The following LSAMP variants were observed in gnomAD, a reference collection of about 807,000 sequenced individuals.
LSAMP encodes limbic system-associated membrane protein.
LSAMP carries 7 observed loss-of-function variants against 38.6 expected under a neutral mutation model. That is an observed-to-expected ratio of 0.18 (90% confidence interval 0.10 to 0.34). The LOEUF is 0.34. LSAMP is among the 10% of genes least tolerant of loss of function. The pLI is 1.00. For synonymous variants in LSAMP, 154 were observed against 166.8 expected (o/e 0.92, Z 0.59); for missense variants, 313 against 420.0 (o/e 0.75, Z 2.23).
At position 116,077,097 on chromosome 3, in the gene LSAMP, T is replaced by C. The variant is rs187042008; in HGVS notation, c.388+9227A>G. On this transcript the variant is annotated intron_variant, in intron 2 of 6. Coordinates refer to ENST00000490035, the MANE Select transcript of LSAMP (RefSeq NM_002338.5). ...ATATATTTGTATTGTTAAATATTGT[T>C]AATATATTTGCTTATTAATTTATAA... Among the ~76,000 whole-genome samples, 38 of 151,252 alleles carry C rather than the reference T, an allele frequency of 2.5e-4. No homozygotes were observed. In the East Asian group the frequency reaches 7.2e-3, roughly 29 times the overall value.
At chr3:116,000,549 GT>G (rs1316426989) in intron 3 of LSAMP, among the ~76,000 whole-genome samples, 1 of 152,152 alleles carries the variant, frequency 6.6e-6, no homozygotes, top group African/African-American at 2.4e-5. Flanking sequence ...CTGCACCAAT[GT>G]CAGCAACTGC....
intron 1 of LSAMP, among the ~76,000 whole-genome samples, chr3:116,398,439 T>C (rs923656259): frequency 6.6e-6 from 1 of 151,832 alleles, no homozygotes; most frequent in African/African-American, 2.4e-5. Context: ...ATTCAAATAC[T>C]CATGAATCAA....
intron 1 of LSAMP, among the ~76,000 whole-genome samples, chr3:116,336,462 A>G (rs2047920673): frequency 6.6e-6 from 1 of 152,032 alleles, no homozygotes; most frequent in East Asian, 1.9e-4. Flanking sequence ...CTGAATAGAC[A>G]CTTCTCCAAA....
At chr3:115,905,345 C>T (rs913105516) in intron 3 of LSAMP, among the ~76,000 whole-genome samples, 2 of 151,856 alleles carry the variant, frequency 1.3e-5, no homozygotes, top group African/African-American at 4.8e-5. Context: ...TATGAGATAC[C>T]GATGATATTG....
chr3:115,828,353 GTTTA>G (rs1294225818), intron 6 of LSAMP, among the ~76,000 whole-genome samples: 1 of 151,820 alleles, frequency 6.6e-6, no homozygotes, highest in African/African-American at 2.4e-5. Context: ...TTGTTTGTTT[GTTTA>G]TTTGTTTCCT....
At chr3:116,366,315 C>T (rs1165712245) in intron 1 of LSAMP, among the ~76,000 whole-genome samples, 1 of 152,138 alleles carries the variant, frequency 6.6e-6, no homozygotes, top group Non-Finnish European at 1.5e-5. Context: ...GGATTGCCTA[C>T]AGCCAATATA....
chr3:115,839,392 C>T (rs765041244), intron 6 of LSAMP, among the ~76,000 whole-genome samples: 1 of 150,892 alleles, frequency 6.6e-6, no homozygotes, highest in Admixed American at 6.7e-5. Context: ...ATATAAAGTT[C>T]TAGCTATGCA....
chr3:116,355,415 C>T (rs1357744109), intron 1 of LSAMP, among the ~76,000 whole-genome samples: 1 of 152,178 alleles, frequency 6.6e-6, no homozygotes, highest in Non-Finnish European at 1.5e-5. Context: ...ACACCTGTCT[C>T]TCACCATATA....
At chr3:116,097,716 T>G (rs1177067469) in intron 1 of LSAMP, among the ~76,000 whole-genome samples, 2 of 152,084 alleles carry the variant, frequency 1.3e-5, no homozygotes, top group Middle Eastern at 3.4e-3. Context: ...GGCAGGTGCA[T>G]ATGAAGAGCA....
intron 3 of LSAMP, among the ~76,000 whole-genome samples, chr3:115,930,757 G>C (rs919386949): frequency 2.0e-5 from 3 of 147,088 alleles, no homozygotes; most frequent in African/African-American, 8.2e-5. Flanking sequence ...TTTGGGAGAT[G>C]AGAGGAGATT....
intron 1 of LSAMP, among the ~76,000 whole-genome samples, chr3:116,108,390 G>A (rs1708517682): frequency 6.6e-6 from 1 of 152,092 alleles, no homozygotes; most frequent in Non-Finnish European, 1.5e-5. Context: ...AGGTTTAGAA[G>A]CCTGGCCGTC....
chr3:116,145,333 AAG>A (rs879422635), intron 1 of LSAMP, among the ~76,000 whole-genome samples: 8 of 150,868 alleles, frequency 5.3e-5, no homozygotes, highest in African/African-American at 1.7e-4. Context: ...TATATATGGA[AAG>A]AGAGAGAGAG....
chr3:116,108,823 C>T (rs934968661), intron 1 of LSAMP, among the ~76,000 whole-genome samples: 12 of 152,086 alleles, frequency 7.9e-5, no homozygotes, highest in African/African-American at 2.7e-4. Context: ...CTGGCCGCTG[C>T]GGTTCAGGCA....
intron 3 of LSAMP, among the ~76,000 whole-genome samples, chr3:115,974,971 T>A (rs1939138221): frequency 6.6e-6 from 1 of 152,158 alleles, no homozygotes; most frequent in Non-Finnish European, 1.5e-5. Flanking sequence ...TAGGATTCTT[T>A]TTTTATTTCT....
At chr3:116,178,096 C>CGTGTGTGT (rs10662261) in intron 1 of LSAMP, among the ~76,000 whole-genome samples, 8 of 150,038 alleles carry the variant, frequency 5.3e-5, no homozygotes, top group Non-Finnish European at 7.4e-5. Flanking sequence ...GTCTTGTGTA[C>CGTGTGTGT]GTGTGTGTGT....
intron 6 of LSAMP, among the ~76,000 whole-genome samples, chr3:115,833,182 A>G (rs1395882124): frequency 6.6e-6 from 1 of 152,148 alleles, no homozygotes. Context: ...AGTGATGTCA[A>G]TCTCTGCAGC....
At chr3:116,170,670 A>G (rs1264068998) in intron 1 of LSAMP, among the ~76,000 whole-genome samples, 2 of 152,198 alleles carry the variant, frequency 1.3e-5, no homozygotes, top group Non-Finnish European at 2.9e-5. Context: ...AGGTTATATA[A>G]GACACTACAT....
intron 2 of LSAMP, among the ~76,000 whole-genome samples, chr3:116,044,953 C>G (rs376636183): frequency 2.0e-5 from 3 of 149,488 alleles, no homozygotes; most frequent in African/African-American, 7.7e-5. Context: ...AAAGAAAAAA[C>G]AAAAAACAAA....
intron 1 of LSAMP, among the ~76,000 whole-genome samples, chr3:116,241,338 A>G (rs2046530919): frequency 6.6e-6 from 1 of 152,114 alleles, no homozygotes; most frequent in South Asian, 2.1e-4. Flanking sequence ...AGGCTGAGAC[A>G]GGCTGATCGC....
Sources: gnomAD v4.1 joint callset for allele counts (sites outside exome capture counted in the v4.1 genomes callset) on GRCh38, gnomAD v4.1.1 for gene constraint, MANE v1.5 for transcripts, NCBI Gene and HGNC (gene_info 2026-07-23, HGNC 2026-07-21) for gene names.